The following SCHIP1 variants were observed in gnomAD, a reference collection of about 807,000 sequenced individuals.
SCHIP1 encodes the protein schwannomin-interacting protein 1.
A neutral mutation model predicts 29.7 loss-of-function variants in SCHIP1; 8 were observed. The observed-to-expected ratio is 0.27, with a 90% CI of 0.16 to 0.49. SCHIP1 has a LOEUF of 0.49. SCHIP1 is among the 20% of genes least tolerant of loss of function. The pLI, the probability that SCHIP1 is intolerant of heterozygous loss-of-function variation, is 0.99. For synonymous variants in SCHIP1, 76 were observed against 94.9 expected (o/e 0.80, Z 1.16); for missense variants, 193 against 294.6 (o/e 0.66, Z 2.52).
the SCHIP1 span, among the ~76,000 whole-genome samples, chr3:159,529,593 T>C: frequency 6.6e-6 from 1 of 152,222 alleles, no homozygotes; most frequent in Admixed American, 6.5e-5. Context: ...CTCAAACATT[T>C]ATTATGTCTT....
the SCHIP1 span, among the ~76,000 whole-genome samples, chr3:159,573,804 G>C: frequency 6.6e-6 from 1 of 151,972 alleles, no homozygotes; most frequent in South Asian, 2.1e-4. Flanking sequence ...GGCTTTGTTC[G>C]TTTCTTTTTA....
the SCHIP1 span, among the ~76,000 whole-genome samples, chr3:159,545,755 C>G: frequency 2.0e-5 from 3 of 148,854 alleles, no homozygotes; most frequent in East Asian, 5.8e-4. Context: ...TACACACACA[C>G]ATATGTATAA....
chr3:159,804,542 A>C, the SCHIP1 span, among the ~76,000 whole-genome samples: 1 of 152,132 alleles, frequency 6.6e-6, no homozygotes, highest in Non-Finnish European at 1.5e-5. Flanking sequence ...CCTCCCTCTC[A>C]TTTATTTGCT....
At chr3:159,764,007 G>C in the SCHIP1 span, 2 of 153,820 alleles carry the variant, frequency 1.3e-5, no homozygotes, top group African/African-American at 4.8e-5. The surrounding 1 kb of genome is among the most constrained non-coding windows in gnomAD (Gnocchi z 6.1). Context: ...CGCCTAGAGC[G>C]AGATGCGAAA....
chr3:159,783,358 C>A, the SCHIP1 span, among the ~76,000 whole-genome samples: 1 of 152,180 alleles, frequency 6.6e-6, no homozygotes, highest in Non-Finnish European at 1.5e-5. Context: ...AAAGGGATGG[C>A]AAGAGCTGCC....
chr3:159,774,862 G>GT, the SCHIP1 span, among the ~76,000 whole-genome samples: 1 of 152,188 alleles, frequency 6.6e-6, no homozygotes, highest in Admixed American at 6.5e-5. Flanking sequence ...TGATGCCTCT[G>GT]TATCTCCACC....
chr3:159,560,410 G>A, the SCHIP1 span, among the ~76,000 whole-genome samples: 2 of 152,214 alleles, frequency 1.3e-5, no homozygotes, highest in African/African-American at 2.4e-5. Context: ...GTGGCTTTCC[G>A]ACCCATTGTT....
At chr3:159,579,470 A>G in the SCHIP1 span, among the ~76,000 whole-genome samples, 1 of 152,228 alleles carries the variant, frequency 6.6e-6, no homozygotes, top group Admixed American at 6.5e-5. Context: ...GGGTACTCCT[A>G]TATGAAGACA....
chr3:159,787,616 C>T, the SCHIP1 span, among the ~76,000 whole-genome samples: 3 of 152,172 alleles, frequency 2.0e-5, no homozygotes, highest in African/African-American at 2.4e-5. Flanking sequence ...CTTTGTCATT[C>T]GCCTACTTAA....
the SCHIP1 span, among the ~76,000 whole-genome samples, chr3:159,576,631 T>C: frequency 7.2e-5 from 11 of 152,332 alleles, no homozygotes; most frequent in East Asian, 2.1e-3. Flanking sequence ...GTTACCACCA[T>C]TTGATTGTAG....
chr3:159,764,727 C>A, the SCHIP1 span: 1 of 1,573,724 alleles, frequency 6.4e-7, no homozygotes, highest in Non-Finnish European at 8.6e-7. The surrounding 1 kb of genome is among the most constrained non-coding windows in gnomAD (Gnocchi z 6.1). Context: ...GGGATGACCG[C>A]TCTCCGGCCC....
the SCHIP1 span, among the ~76,000 whole-genome samples, chr3:159,629,148 C>G: frequency 6.6e-6 from 1 of 152,016 alleles, no homozygotes; most frequent in Admixed American, 6.6e-5. Flanking sequence ...CAAAAACACA[C>G]ACACACACAC....
At chr3:159,439,901 T>G in the SCHIP1 span, among the ~76,000 whole-genome samples, 1 of 152,186 alleles carries the variant, frequency 6.6e-6, no homozygotes, top group Non-Finnish European at 1.5e-5. Flanking sequence ...CATCCCATAA[T>G]GTAACTAGAT....
the SCHIP1 span, among the ~76,000 whole-genome samples, chr3:159,576,546 C>T: frequency 6.6e-6 from 1 of 152,132 alleles, no homozygotes; most frequent in Non-Finnish European, 1.5e-5. Flanking sequence ...ATTAATTCTG[C>T]AAAATTGTAT....
chr3:159,616,576 C>G, the SCHIP1 span, among the ~76,000 whole-genome samples: 2 of 152,302 alleles, frequency 1.3e-5, no homozygotes, highest in African/African-American at 2.4e-5. Context: ...CACAGTGCCA[C>G]GTAGAAGAGG....
the SCHIP1 span, among the ~76,000 whole-genome samples, chr3:159,704,020 T>C: frequency 6.6e-6 from 1 of 152,208 alleles, no homozygotes; most frequent in Non-Finnish European, 1.5e-5. Context: ...ATTATTGTCT[T>C]ATTTATCTAT....
chr3:159,868,624 G>C (rs574494347), intron 2 of SCHIP1, among the ~76,000 whole-genome samples: 2 of 152,110 alleles, frequency 1.3e-5, no homozygotes, highest in South Asian at 4.1e-4. Flanking sequence ...AATTAGAATT[G>C]CCTCCTTTCT....
chr3:159,867,182 C>G (rs527950722), intron 2 of SCHIP1, among the ~76,000 whole-genome samples: 2 of 152,252 alleles, frequency 1.3e-5, no homozygotes, highest in South Asian at 4.1e-4. Context: ...CTCATGGTCT[C>G]CCCTCACTCC....
the SCHIP1 span, among the ~76,000 whole-genome samples, chr3:159,463,108 ATATATAGTATATACATACTATATATACAG>A: frequency 6.6e-6 from 1 of 151,734 alleles, no homozygotes; most frequent in Admixed American, 6.6e-5. Flanking sequence ...GTCAATCTCT[ATATATAGTATATACATACTATATATACAG>A]TATATAGTTC....
Sources: gnomAD v4.1 joint callset for allele counts (sites outside exome capture counted in the v4.1 genomes callset) on GRCh38, gnomAD v4.1.1 for gene constraint, Gnocchi (gnomAD v3.1) non-coding constraint, MANE v1.5 for transcripts, NCBI Gene and HGNC (gene_info 2026-07-23, HGNC 2026-07-21) for gene names.